TPRG1: variants seen among roughly 807,000 people sequenced by gnomAD.
TPRG1 encodes tumor protein p63 regulated 1, also known as tumor protein p63-regulated gene 1 protein.
TPRG1 carries 29 observed loss-of-function variants against 29.3 expected under a neutral mutation model. The observed-to-expected ratio is 0.99, with a 90% confidence interval of 0.74 to 1.35. The LOEUF (loss-of-function observed/expected upper bound fraction) is 1.35. Among genes scored for constraint, TPRG1 ranks in the 40% most tolerant of loss-of-function variants. The pLI is 0.00. For missense variants in TPRG1, 327 were observed against 335.0 expected, an observed-to-expected ratio of 0.98 and a Z score of 0.19; for synonymous variants, 130 against 116.8, an observed-to-expected ratio of 1.11 and a Z score of -0.73.
chr3:189,317,930 T>A (rs769511366), intron 5 of TPRG1, among the ~76,000 whole-genome samples: 10 of 152,216 alleles, frequency 6.6e-5, no homozygotes, highest in Admixed American at 2.0e-4. Flanking sequence ...AAACCTCTCT[T>A]GTGCAAGGAA....
At chr3:189,086,057 C>A (rs1301282443) in intron 4 of TPRG1, among the ~76,000 whole-genome samples, 1 of 152,092 alleles carries the variant, frequency 6.6e-6, no homozygotes, top group Non-Finnish European at 1.5e-5. Context: ...GTCTGAGTCC[C>A]AAAACCTCAA....
At chr3:189,120,881 T>G (rs2108504854) in intron 1 of TPRG1, among the ~76,000 whole-genome samples, 1 of 152,332 alleles carries the variant, frequency 6.6e-6, no homozygotes, top group East Asian at 1.9e-4. Context: ...AGACCAGGTC[T>G]TGTTAGTATT....
At chr3:189,259,384 A>G (rs1157367241) in intron 4 of TPRG1, among the ~76,000 whole-genome samples, 2 of 151,272 alleles carry the variant, frequency 1.3e-5, no homozygotes, top group East Asian at 3.9e-4. Context: ...GAAATGCAGA[A>G]ATCACCCCTT....
chr3:189,058,596 T>C (rs1229723310), intron 4 of TPRG1, among the ~76,000 whole-genome samples: 2 of 152,200 alleles, frequency 1.3e-5, no homozygotes, highest in Non-Finnish European at 2.9e-5. Flanking sequence ...TAATATAGTC[T>C]CCACAAAGAA....
intron 4 of TPRG1, among the ~76,000 whole-genome samples, chr3:189,299,626 A>AT (rs60136863): frequency 0.056 from 7,587 of 135,672 alleles, 431 homozygotes; most frequent in African/African-American, 0.15. Context: ...TGAGTTGTGT[A>AT]TTTTTTTTTT....
intron 4 of TPRG1, among the ~76,000 whole-genome samples, chr3:189,265,980 G>C (rs1714005407): frequency 6.6e-6 from 1 of 152,122 alleles, no homozygotes; most frequent in African/African-American, 2.4e-5. Context: ...CCATTGAATA[G>C]GAGAAGGGTT....
chr3:189,221,872 G>A (rs1397228690), intron 3 of TPRG1, among the ~76,000 whole-genome samples: 2 of 152,158 alleles, frequency 1.3e-5, no homozygotes, highest in African/African-American at 4.8e-5. Context: ...CCTGCCGAAG[G>A]GCAACCACTT....
At chr3:189,162,526 A>G (rs1452592072) in intron 5 of TPRG1, among the ~76,000 whole-genome samples, 1 of 152,194 alleles carries the variant, frequency 6.6e-6, no homozygotes, top group Admixed American at 6.5e-5. Flanking sequence ...AAGTAATATG[A>G]CAATGAAGAT....
chr3:189,118,752 C>T (rs769254838), intron 1 of TPRG1, among the ~76,000 whole-genome samples: 1 of 152,200 alleles, frequency 6.6e-6, no homozygotes, highest in African/African-American at 2.4e-5. Context: ...TGTGGGTACA[C>T]AGAAGTCAAG....
chr3:189,133,311 A>C (rs771897279), intron 3 of TPRG1, among the ~76,000 whole-genome samples: 20 of 152,214 alleles, frequency 1.3e-4, no homozygotes, highest in Non-Finnish European at 2.6e-4. Context: ...TAATAGTGCC[A>C]ACTCCAGAGA....
chr3:189,056,031 C>T (rs113426312), intron 4 of TPRG1, among the ~76,000 whole-genome samples: 727 of 58,294 alleles, frequency 0.012, 29 homozygotes, highest in African/African-American at 0.046. Flanking sequence ...TTCCCTCCCT[C>T]CCTTCCTTCC....
chr3:189,278,320 G>A (rs1716507629), intron 4 of TPRG1, among the ~76,000 whole-genome samples: 1 of 151,250 alleles, frequency 6.6e-6, no homozygotes, highest in Non-Finnish European at 1.5e-5. Context: ...AGTGCCCTGG[G>A]TGGAGAGAGA....
intron 4 of TPRG1, among the ~76,000 whole-genome samples, chr3:189,243,233 G>C (rs1342536840): frequency 1.3e-5 from 2 of 152,188 alleles, no homozygotes; most frequent in Non-Finnish European, 2.9e-5. Context: ...GGGAGCAGGA[G>C]CAAGAGAGAG....
chr3:189,060,934 G>GA (rs1560420932), intron 4 of TPRG1, among the ~76,000 whole-genome samples: 1 of 151,916 alleles, frequency 6.6e-6, no homozygotes, highest in Non-Finnish European at 1.5e-5. Flanking sequence ...CACAGAACTA[G>GA]AAAAAAACTA....
intron 4 of TPRG1, among the ~76,000 whole-genome samples, chr3:189,258,860 A>G (rs115239237): frequency 0.011 from 1,720 of 152,092 alleles, 43 homozygotes; most frequent in African/African-American, 0.04. Context: ...CCCCCAACCA[A>G]GCTCAGTGTC....
At chr3:189,167,490 C>T (rs1229581768), upstream of TPRG1, among the ~76,000 whole-genome samples, 1 of 152,104 alleles carries the variant, frequency 6.6e-6, no homozygotes, top group Non-Finnish European at 1.5e-5. Flanking sequence ...TGGGGGAGTG[C>T]AAGTGTAAGA....
chr3:189,141,626 A>G (rs916424098), intron 3 of TPRG1, among the ~76,000 whole-genome samples: 1 of 152,216 alleles, frequency 6.6e-6, no homozygotes, highest in Non-Finnish European at 1.5e-5. Context: ...TAAAGACTGT[A>G]CAAACTGCTC....
chr3:189,177,298 C>G (rs1729605764), intron 1 of TPRG1, among the ~76,000 whole-genome samples: 1 of 151,822 alleles, frequency 6.6e-6, no homozygotes, highest in Non-Finnish European at 1.5e-5. Flanking sequence ...TACTTATGGA[C>G]AGGTTAAGTT....
intron 1 of TPRG1, among the ~76,000 whole-genome samples, chr3:188,998,993 A>G (rs182267021): frequency 1.3e-5 from 2 of 152,374 alleles, no homozygotes; most frequent in East Asian, 3.9e-4. Context: ...CAAAGAAATG[A>G]TAAAGGTTTG....
Sources: allele counts gnomAD v4.1 joint callset (sites outside exome capture counted in the v4.1 genomes callset), GRCh38; gene constraint gnomAD v4.1.1; transcripts MANE v1.5; gene names NCBI Gene and HGNC (gene_info 2026-07-23, HGNC 2026-07-21).